Variants in NFATC1 observed in about 807,000 individuals in gnomAD.
NFATC1 encodes the protein nuclear factor of activated T cells 1.
A neutral mutation model predicts 76.0 loss-of-function variants in NFATC1; 22 were observed. That is an observed-to-expected ratio of 0.29 (90% confidence interval 0.21 to 0.41). The LOEUF is 0.41. NFATC1 is among the 10% of genes least tolerant of loss of function. The pLI, the probability that NFATC1 is intolerant of heterozygous loss-of-function variation, is 1.00. For missense variants in NFATC1, 1,357 were observed against 1,337.7 expected (o/e 1.01, Z -0.23); for synonymous variants, 704 against 613.1 (o/e 1.15, Z -2.19).
At chr18:79,419,169 G>C (rs540962530) in intron 2 of NFATC1, among the ~76,000 whole-genome samples, 1 of 152,120 alleles carries the variant, frequency 6.6e-6, no homozygotes, top group Non-Finnish European at 1.5e-5. Context: ...GACCACAGAC[G>C]TGCGGCACCA....
intron 2 of NFATC1, among the ~76,000 whole-genome samples, chr18:79,427,395 G>A (rs999091013): frequency 2.3e-5 from 3 of 128,254 alleles, no homozygotes; most frequent in East Asian, 2.1e-4. Context: ...CAGTGGGTTG[G>A]GGGGAGCTGG....
At chr18:79,482,020 GT>G (rs1347202836) in intron 8 of NFATC1, among the ~76,000 whole-genome samples, 5 of 143,312 alleles carry the variant, frequency 3.5e-5, no homozygotes, top group Non-Finnish European at 4.6e-5. Flanking sequence ...GTGTGACCTG[GT>G]TCCTGGGGTG....
At chr18:79,499,501 TG>T (rs2089969272) in intron 9 of NFATC1, among the ~76,000 whole-genome samples, 2 of 152,044 alleles carry the variant, frequency 1.3e-5, no homozygotes, top group Non-Finnish European at 2.9e-5. Flanking sequence ...AATAGCAAAA[TG>T]GAAAACATAA....
chr18:79,488,419 G>A (rs541517058), intron 9 of NFATC1, among the ~76,000 whole-genome samples: 36 of 151,978 alleles, frequency 2.4e-4, no homozygotes, highest in Non-Finnish European at 4.4e-4. Context: ...CCAGGAGGCT[G>A]CTGCCTCCCC....
chr18:79,408,804 A>T (rs141652971), intron 1 of NFATC1, among the ~76,000 whole-genome samples: 2 of 151,736 alleles, frequency 1.3e-5, no homozygotes, highest in African/African-American at 4.8e-5. Context: ...TTATTCCTCC[A>T]TTCCCTATCC....
intron 9 of NFATC1, among the ~76,000 whole-genome samples, chr18:79,489,903 G>A (rs1018477985): frequency 1.3e-5 from 2 of 152,208 alleles, no homozygotes; most frequent in Non-Finnish European, 2.9e-5. Flanking sequence ...GTGCCGCTTC[G>A]GGGGTCGGGG....
intron 6 of NFATC1, among the ~76,000 whole-genome samples, chr18:79,458,331 T>C (rs567241170): frequency 2.7e-4 from 29 of 108,054 alleles, no homozygotes; most frequent in African/African-American, 1.5e-3. Flanking sequence ...GAGGATGCTT[T>C]GGGGAGCAGG....
At chr18:79,449,854 G>A (rs567685458) in intron 4 of NFATC1, among the ~76,000 whole-genome samples, 2 of 152,250 alleles carry the variant, frequency 1.3e-5, no homozygotes, top group East Asian at 1.9e-4. Context: ...AGATGGCGGC[G>A]GGGGGCCACG....
chr18:79,412,785 G>A (rs747361433), intron 2 of NFATC1, among the ~76,000 whole-genome samples: 4 of 152,250 alleles, frequency 2.6e-5, no homozygotes, highest in Non-Finnish European at 5.9e-5. Flanking sequence ...TTCTACTGGC[G>A]TGATACTTAG....
chr18:79,428,156 CGGGCCGGT>C (rs1476305996), intron 2 of NFATC1, among the ~76,000 whole-genome samples: 1 of 152,062 alleles, frequency 6.6e-6, no homozygotes, highest in Non-Finnish European at 1.5e-5. Context: ...GGGCCGGCCT[CGGGCCGGT>C]GGGCAGGCTG....
At chr18:79,442,433 G>A (rs1240000390) in intron 3 of NFATC1, among the ~76,000 whole-genome samples, 1 of 152,226 alleles carries the variant, frequency 6.6e-6, no homozygotes, top group Non-Finnish European at 1.5e-5. Flanking sequence ...TGCCTGTTCT[G>A]GGGTTGCCAC....
At chr18:79,472,578 G>A (rs530405442) in intron 8 of NFATC1, among the ~76,000 whole-genome samples, 48 of 152,264 alleles carry the variant, frequency 3.2e-4, no homozygotes, top group African/African-American at 1.0e-3. Context: ...TCACCCTTTC[G>A]CTGCCATTGG....
rs1426208684 is a variant in NFATC1 at position 79,463,729 on chromosome 18, A to AGTGT, written c.1959+2364_1959+2367dup. Among the ~76,000 whole-genome samples, 8 of 152,296 alleles carry AGTGT rather than the reference A, an allele frequency of 5.3e-5. No individual in the cohort carries two copies. The East Asian group carries it at 1.5e-3, about 29-fold the overall frequency. ...GCTCTCCGTCCCTCTGCCTGCAGGC[A>AGTGT]GTGTACCCTGGTGCCTGGCCTCGTG... On this transcript the variant is annotated intron_variant, in intron 7 of 9. Coordinates refer to ENST00000427363, the MANE Select transcript of NFATC1 (RefSeq NM_001278669.2).
chr18:79,523,696 G>A (rs1209400981), intron 9 of NFATC1, among the ~76,000 whole-genome samples: 4 of 152,204 alleles, frequency 2.6e-5, no homozygotes, highest in Non-Finnish European at 4.4e-5. Context: ...TGTGGATGTG[G>A]CCTCGAGGGA....
intron 1 of NFATC1, among the ~76,000 whole-genome samples, chr18:79,398,878 T>C (rs2085089734): frequency 6.6e-6 from 1 of 152,180 alleles, no homozygotes; most frequent in African/African-American, 2.4e-5. Context: ...ACCATCCTGG[T>C]CAACATGGTG....
intron 2 of NFATC1, among the ~76,000 whole-genome samples, chr18:79,427,614 G>C (rs2086414274): frequency 8.0e-6 from 1 of 125,402 alleles, no homozygotes; most frequent in Non-Finnish European, 1.7e-5. Flanking sequence ...GCGGGTGGGG[G>C]AGAGCTGGAC....
At position 79,433,519 on chromosome 18, in the gene NFATC1, G is replaced by T. The variant is rs550034428; in HGVS notation, c.1227-60G>T. Reference sequence around the variant, plus strand: ...GATGGCGACGGGTGAGCACGGGCACGTGTGGCCCGGGCGAGGTCTGTGTGG... The same window carrying T: ...GATGGCGACGGGTGAGCACGGGCACTTGTGGCCCGGGCGAGGTCTGTGTGG... On this transcript the variant is annotated intron_variant, in intron 2 of 9. Coordinates refer to ENST00000427363, the MANE Select transcript of NFATC1 (RefSeq NM_001278669.2). The T allele has an allele frequency of 9.1e-5, 145 of 1,600,150 alleles. 1 individual carries two copies. The highest frequency in any genetic ancestry group is 1.2e-4 in the Non-Finnish European group (143 of 1,170,990).
Position 79,411,501 on chromosome 18 carries a change from G to A in NFATC1, c.1226G>A (p.Ser409Asn). 6.7e-7 allele frequency: 1 copy of A among 1,482,106 alleles called. No homozygotes were observed. Among genetic ancestry groups the A allele is most frequent in the South Asian group, 1.4e-5 (1 of 70,094 alleles). The allele number at this position is 1,482,106 out of a possible 1,614,324, so 91.8% of individuals were successfully genotyped here. The change falls in exon 2 of 10, where the codon AGC becomes AAC. Residue 409 changes from serine (S) to asparagine (N), a missense_variant and splice_region_variant. Physicochemically the swap from Ser to Asn is conservative, Grantham distance 46. Transcript: ENST00000427363. ...CCCCTGTCCCCTACGTCCTACATGAGGTGAGCCGGCAGCGCGGGGCGGGAC... is the reference window on the plus strand; with the variant it reads ...CCCCTGTCCCCTACGTCCTACATGAAGTGAGCCGGCAGCGCGGGGCGGGAC... Reference protein sequence around the residue: ...PKPLSPTSYMSPTLPALDWQL... With the variant: ...PKPLSPTSYMNPTLPALDWQL...
chr18:79,485,072 GCT>G (rs1246607913), intron 8 of NFATC1, among the ~76,000 whole-genome samples: 3 of 152,234 alleles, frequency 2.0e-5, no homozygotes, highest in African/African-American at 7.2e-5. Context: ...AGGCTGCCAG[GCT>G]CTCTGTGGTG....
Sources: gnomAD v4.1 joint callset for allele counts (sites outside exome capture counted in the v4.1 genomes callset) on GRCh38, gnomAD v4.1.1 for gene constraint, MANE v1.5 for transcripts, NCBI Gene and HGNC (gene_info 2026-07-23, HGNC 2026-07-21) for gene names.